Variants in GPR158 observed in about 807,000 individuals in gnomAD.
GPR158 encodes the protein G protein-coupled receptor 158.
GPR158 carries 30 observed loss-of-function variants against 78.2 expected under a neutral mutation model. That is an observed-to-expected ratio of 0.38 (90% CI 0.29 to 0.52). The LOEUF is 0.52. Ranked by LOEUF, GPR158 falls within the 20% of genes least tolerant of loss-of-function variation. The pLI, the probability that GPR158 is intolerant of heterozygous loss-of-function variation, is 0.83. For missense variants in GPR158, 1,463 were observed against 1,523.5 expected (o/e 0.96, Z 0.66); for synonymous variants, 581 against 591.1 (o/e 0.98, Z 0.25).
chr10:25,473,826 C>T (rs1835544332), intron 5 of GPR158, among the ~76,000 whole-genome samples: 1 of 152,042 alleles, frequency 6.6e-6, no homozygotes, highest in African/African-American at 2.4e-5. Context: ...ACCACCCTGA[C>T]CTTATTTCAG....
chr10:25,542,436 T>G (rs1279989376), intron 5 of GPR158, among the ~76,000 whole-genome samples: 1 of 152,224 alleles, frequency 6.6e-6, no homozygotes, highest in African/African-American at 2.4e-5. Flanking sequence ...TTAAAAGCAC[T>G]GGGCATTGTA....
At chr10:25,193,645 T>A (rs1852805179) in intron 1 of GPR158, among the ~76,000 whole-genome samples, 1 of 152,236 alleles carries the variant, frequency 6.6e-6, no homozygotes, top group Non-Finnish European at 1.5e-5. Flanking sequence ...ATGTACATTG[T>A]GAATGCATTT....
At chr10:25,399,734 A>AC (rs1476890541) in intron 3 of GPR158, among the ~76,000 whole-genome samples, 1 of 152,168 alleles carries the variant, frequency 6.6e-6, no homozygotes, top group Non-Finnish European at 1.5e-5. Context: ...TCTGTAACTC[A>AC]CCGGGGTCAT....
At chr10:25,198,360 C>A (rs1852871329) in intron 1 of GPR158, among the ~76,000 whole-genome samples, 3 of 152,172 alleles carry the variant, frequency 2.0e-5, no homozygotes, top group Admixed American at 6.5e-5. Flanking sequence ...CTTCTCTGGA[C>A]ATGTCTGCTG....
intron 7 of GPR158, among the ~76,000 whole-genome samples, chr10:25,581,647 G>C (rs531696503): frequency 1.3e-5 from 2 of 152,266 alleles, no homozygotes; most frequent in African/African-American, 2.4e-5. Context: ...AGCAGTCTTC[G>C]TGGTAGCCTG....
At chr10:25,489,840 A>G (rs972860318) in intron 5 of GPR158, among the ~76,000 whole-genome samples, 26 of 152,190 alleles carry the variant, frequency 1.7e-4, no homozygotes, top group African/African-American at 6.0e-4. Context: ...ACCTCATACC[A>G]TACACACAGA....
At chr10:25,282,188 T>G (rs141917626) in intron 2 of GPR158, among the ~76,000 whole-genome samples, 118 of 151,754 alleles carry the variant, frequency 7.8e-4, no homozygotes, top group African/African-American at 2.9e-3. Context: ...TCCCATAAAG[T>G]GTTGCATTTT....
At chr10:25,394,910 AG>A (rs2130527303) in intron 2 of GPR158, among the ~76,000 whole-genome samples, 1 of 152,276 alleles carries the variant, frequency 6.6e-6, no homozygotes, top group Admixed American at 6.5e-5. Flanking sequence ...TTCTGAAAAG[AG>A]GGACATCTTA....
rs34697786 is a variant in GPR158, at chr10:25,321,646, T to TAAACAAAC, written c.1009-74240_1009-74233dup. Among the ~76,000 whole-genome samples, 6 of 150,076 alleles carry TAAACAAAC rather than the reference T, an allele frequency of 4.0e-5. No individual in the cohort carries two copies. In the East Asian group the frequency reaches 5.9e-4, roughly 15 times the overall value. On this transcript the variant is annotated intron_variant, in intron 2 of 10. Transcript: ENST00000376351. ...ATGCTTATATAACCCTCCTTTAAAA[T>TAAACAAAC]AAACAAACAAACAAACAAACAAACA...
intron 2 of GPR158, among the ~76,000 whole-genome samples, chr10:25,313,117 T>C (rs909534462): frequency 5.9e-5 from 9 of 151,884 alleles, no homozygotes; most frequent in African/African-American, 2.2e-4. Context: ...TCTTAAACAA[T>C]AGTGGAGGAA....
At chr10:25,578,031 G>A (rs1250506350) in intron 7 of GPR158, among the ~76,000 whole-genome samples, 1 of 152,174 alleles carries the variant, frequency 6.6e-6, no homozygotes, top group African/African-American at 2.4e-5. Flanking sequence ...TTTTAGATCA[G>A]ATTATAATTC....
At chr10:25,535,667 A>G (rs1475059799) in intron 5 of GPR158, among the ~76,000 whole-genome samples, 1 of 152,162 alleles carries the variant, frequency 6.6e-6, no homozygotes, top group East Asian at 1.9e-4. Flanking sequence ...AGTTTGTGGT[A>G]TTTGTTATAT....
chr10:25,455,981 A>T (rs147430747), intron 4 of GPR158, among the ~76,000 whole-genome samples: 7 of 152,298 alleles, frequency 4.6e-5, no homozygotes, highest in Middle Eastern at 3.4e-3. Context: ...GGCAAATCGG[A>T]ATCCAACTTG....
chr10:25,464,950 G>C (rs1055639780), intron 4 of GPR158, among the ~76,000 whole-genome samples: 1 of 152,096 alleles, frequency 6.6e-6, no homozygotes, highest in East Asian at 1.9e-4. Context: ...ATGACCAATA[G>C]CAAGAAGCCA....
At chr10:25,503,756 A>T (rs572761139) in intron 5 of GPR158, among the ~76,000 whole-genome samples, 1 of 149,730 alleles carries the variant, frequency 6.7e-6, no homozygotes, top group East Asian at 2.0e-4. Context: ...CTTCTGGTCT[A>T]CCCACAGCTC....
rs72786290 is a variant in GPR158, at chr10:25,500,550, A to G, written c.1404+33831A>G. Among the ~76,000 whole-genome samples, 510 of 152,350 alleles carry G rather than the reference A, an allele frequency of 3.3e-3. 1 individual carries two copies. Among genetic ancestry groups the G allele is most frequent in the Non-Finnish European group, 6.0e-3 (408 of 68,032 alleles). On this transcript the variant is annotated intron_variant, in intron 5 of 10. Coordinates refer to ENST00000376351, the MANE Select transcript of GPR158 (RefSeq NM_020752.3). Reference sequence around the variant, plus strand: ...TTATTAAGTTACTCTAGAATGTGACATATATAACCTTTACACAGTAATTTA... The same window carrying G: ...TTATTAAGTTACTCTAGAATGTGACGTATATAACCTTTACACAGTAATTTA...
At chr10:25,416,165 C>T (rs1023820068) in intron 4 of GPR158, among the ~76,000 whole-genome samples, 20 of 152,046 alleles carry the variant, frequency 1.3e-4, no homozygotes, top group South Asian at 4.1e-4. Flanking sequence ...AATTTTGGAC[C>T]GCTTTATAAA....
intron 4 of GPR158, among the ~76,000 whole-genome samples, chr10:25,419,480 A>G (rs1324923250): frequency 6.6e-6 from 1 of 152,128 alleles, no homozygotes; most frequent in African/African-American, 2.4e-5. Flanking sequence ...GTCTATATGA[A>G]TATTTGTTTT....
intron 2 of GPR158, among the ~76,000 whole-genome samples, chr10:25,284,086 G>A (rs1350610978): frequency 3.9e-5 from 6 of 151,984 alleles, no homozygotes; most frequent in Non-Finnish European, 5.9e-5. Flanking sequence ...GATATATTCT[G>A]CTTTTGCTGG....
Sources: allele counts gnomAD v4.1 joint callset (sites outside exome capture counted in the v4.1 genomes callset), GRCh38; gene constraint gnomAD v4.1.1; transcripts MANE v1.5; gene names NCBI Gene and HGNC (gene_info 2026-07-23, HGNC 2026-07-21).